Variants in GABRG3 observed in about 807,000 individuals in gnomAD.
The protein encoded by GABRG3 is gamma-aminobutyric acid type A receptor subunit gamma3.
Under a neutral mutation model 48.8 loss-of-function variants are expected in GABRG3, and 25 were observed. The ratio of observed to expected loss-of-function variants is 0.51; its 90% CI spans 0.37 to 0.72. GABRG3 has a LOEUF of 0.72. Ranked by LOEUF, GABRG3 falls within the 30% of genes least tolerant of loss-of-function variation. GABRG3 has a pLI of 0.00. For missense variants in GABRG3, 394 were observed against 577.9 expected (o/e 0.68, Z 3.26); for synonymous variants, 227 against 217.6 (o/e 1.04, Z -0.38).
At chr15:27,165,929 C>T (rs1178935200) in intron 3 of GABRG3, among the ~76,000 whole-genome samples, 1 of 151,940 alleles carries the variant, frequency 6.6e-6, no homozygotes, top group South Asian at 2.1e-4. Flanking sequence ...GGCATAAGTC[C>T]AAGAAGTGAG....
At chr15:27,328,072 C>T (rs1893675703) in intron 4 of GABRG3, among the ~76,000 whole-genome samples, 1 of 151,588 alleles carries the variant, frequency 6.6e-6, no homozygotes, top group South Asian at 2.1e-4. Context: ...CAGGGAAATC[C>T]TCATTTTGCC....
intron 3 of GABRG3, among the ~76,000 whole-genome samples, chr15:27,081,995 C>T (rs1897000507): frequency 6.6e-6 from 1 of 152,160 alleles, no homozygotes; most frequent in African/African-American, 2.4e-5. Context: ...GAGTGTTTAT[C>T]TGAACACATC....
chr15:27,057,561 G>A (rs540602777), intron 3 of GABRG3, among the ~76,000 whole-genome samples: 4 of 152,142 alleles, frequency 2.6e-5, no homozygotes, highest in South Asian at 4.1e-4. Flanking sequence ...CCTAGAAGAC[G>A]TGTCTGAGCC....
chr15:27,087,176 C>A (rs920415515), intron 3 of GABRG3, among the ~76,000 whole-genome samples: 1 of 152,198 alleles, frequency 6.6e-6, no homozygotes, highest in Non-Finnish European at 1.5e-5. Flanking sequence ...TTGAGCTGAT[C>A]GAAACCACAC....
In GABRG3 at chr15:27,371,640, C is replaced by T. The variant is rs183836871; in HGVS notation, c.574+42752C>T. On this transcript the variant is annotated intron_variant, in intron 5 of 9. Coordinates refer to ENST00000615808, the MANE Select transcript of GABRG3 (RefSeq NM_033223.5). ...CCACAGACAAGCTGTAAAGGCAACT[C>T]GTTTCTATGGATTCTGACTTTTCTT... is the stretch of plus-strand genomic sequence containing the variant. 1.1e-4 allele frequency among the ~76,000 whole-genome samples: 17 copies of T among 152,222 alleles called. No homozygotes were observed. In the East Asian group the frequency reaches 3.3e-3, roughly 29 times the overall value.
intron 3 of GABRG3, among the ~76,000 whole-genome samples, chr15:27,212,238 A>T (rs895590258): frequency 1.3e-5 from 2 of 152,216 alleles, no homozygotes; most frequent in Admixed American, 1.3e-4. Flanking sequence ...AAACAGTGGC[A>T]TACATGTAAT....
At chr15:27,221,209 C>T (rs1889443546) in intron 3 of GABRG3, among the ~76,000 whole-genome samples, 1 of 152,058 alleles carries the variant, frequency 6.6e-6, no homozygotes, top group South Asian at 2.1e-4. Flanking sequence ...TGATGCTTCT[C>T]CTTTCTTCAG....
chr15:27,267,343 A>G (rs1048439861), intron 3 of GABRG3, among the ~76,000 whole-genome samples: 6 of 151,828 alleles, frequency 4.0e-5, no homozygotes, highest in Admixed American at 3.9e-4. Context: ...CCAACCTCAG[A>G]TGATCTGCCT....
intron 3 of GABRG3, among the ~76,000 whole-genome samples, chr15:27,082,798 TG>T (rs1315255423): frequency 1.3e-5 from 2 of 152,224 alleles, no homozygotes; most frequent in Non-Finnish European, 2.9e-5. Context: ...GCTTGGTGAA[TG>T]AAGACCAGCC....
At chr15:27,527,043 T>TCAAACTGGGGAGGTGAGGAG (rs1891294729) in intron 7 of GABRG3, among the ~76,000 whole-genome samples, 1 of 152,078 alleles carries the variant, frequency 6.6e-6, no homozygotes, top group Non-Finnish European at 1.5e-5. Flanking sequence ...GTGAGGGTTT[T>TCAAACTGGGGAGGTGAGGAG]CAAACTGGGG....
intron 5 of GABRG3, among the ~76,000 whole-genome samples, chr15:27,376,737 C>T (rs1895609589): frequency 6.6e-6 from 1 of 152,174 alleles, no homozygotes; most frequent in African/African-American, 2.4e-5. Context: ...CATGAAAACA[C>T]TTTTTCCTCC....
intron 3 of GABRG3, among the ~76,000 whole-genome samples, chr15:27,282,885 C>T (rs542066078): frequency 4.3e-4 from 65 of 152,166 alleles, no homozygotes; most frequent in Non-Finnish European, 8.7e-4. Flanking sequence ...AGGTGGACAC[C>T]CCCCCAGCCT....
Position 27,346,250 on chromosome 15 carries a change from C to T in GABRG3, c.574+17362C>T, listed in dbSNP as rs1894370647. 2.0e-5 allele frequency among the ~76,000 whole-genome samples: 3 copies of T among 152,128 alleles called. No individual in the cohort carries two copies. In the South Asian group the frequency reaches 6.2e-4, roughly 32 times the overall value. On this transcript the variant is annotated intron_variant, in intron 5 of 9. Coordinates refer to ENST00000615808, the MANE Select transcript of GABRG3 (RefSeq NM_033223.5). ...CTTTCAACATTTTAAATATTTCACT[C>T]ACTCTTCTTGCATAGTTTCTGAAGA...
At chr15:27,490,420 A>G (rs957249941) in intron 6 of GABRG3, among the ~76,000 whole-genome samples, 2 of 152,290 alleles carry the variant, frequency 1.3e-5, no homozygotes, top group East Asian at 3.9e-4. Flanking sequence ...AGGAGCTTAC[A>G]TAGGTGATGT....
intron 3 of GABRG3, among the ~76,000 whole-genome samples, chr15:27,070,253 A>C (rs896174388): frequency 6.6e-6 from 1 of 152,242 alleles, no homozygotes; most frequent in Admixed American, 6.5e-5. Flanking sequence ...AGAGACAGAT[A>C]ATCAAATAAG....
At chr15:27,464,164 T>C (rs1346591321) in intron 5 of GABRG3, among the ~76,000 whole-genome samples, 1 of 152,170 alleles carries the variant, frequency 6.6e-6, no homozygotes, top group Non-Finnish European at 1.5e-5. Context: ...TCAGTGGTGT[T>C]TAGTATATTC....
At chr15:27,267,442 A>ATT (rs34989689) in intron 3 of GABRG3, among the ~76,000 whole-genome samples, 84,055 of 144,888 alleles carry the variant, frequency 0.58, 24,635 homozygotes, top group Non-Finnish European at 0.65. Flanking sequence ...TAGCTCAAGG[A>ATT]TTTTTTTTTT....
chr15:26,976,873 C>A lies in GABRG3; in HGVS notation c.54-129C>A. On this transcript the variant is annotated intron_variant, in intron 1 of 9. Transcript: ENST00000615808. This position sits in a 1 kb window ranked among gnomAD's most constrained non-coding sequence, Gnocchi z 7.8. ...TTTAGAAAATATTTTCGGGTTTTCA[C>A]GTGTGTGGTTGGGCTGTGGGTACTG... 1.2e-6 allele frequency: 1 copy of A among 811,964 alleles called. No homozygotes were observed. The highest frequency in any genetic ancestry group is 1.6e-5 in the South Asian group (1 of 61,002). The allele number at this position is 811,964 out of a possible 1,614,324, so 50.3% of individuals were successfully genotyped here.
chr15:27,319,674 A>T lies in GABRG3; in HGVS notation c.271-7135A>T, dbSNP rs1053274871. Among the ~76,000 whole-genome samples the T allele has an allele frequency of 2.0e-5, 3 of 151,986 alleles. No individual in the cohort carries two copies. In the South Asian group the frequency reaches 6.2e-4, roughly 32 times the overall value. The stretch of plus-strand genomic sequence containing the variant: ...CAGGCGTGGGCAGAGCACAAATGGG[A>T]TGGGGAGGAAGGGAGGTCTGTGCCG... On this transcript the variant is annotated intron_variant, in intron 3 of 9. Transcript: ENST00000615808. The surrounding 1 kb of genome is among the most constrained non-coding windows in gnomAD (Gnocchi z 4.4).
Sources: gnomAD v4.1 joint callset for allele counts (sites outside exome capture counted in the v4.1 genomes callset) on GRCh38, gnomAD v4.1.1 for gene constraint, Gnocchi (gnomAD v3.1) non-coding constraint, MANE v1.5 for transcripts, NCBI Gene and HGNC (gene_info 2026-07-23, HGNC 2026-07-21) for gene names.